The following CEP97 variants were observed in gnomAD, a reference collection of about 807,000 sequenced individuals.
The protein encoded by CEP97 is centrosomal protein of 97 kDa.
Under a neutral mutation model 73.1 loss-of-function variants are expected in CEP97, and 43 were observed. The observed-to-expected ratio is 0.59, with a 90% CI of 0.46 to 0.76. CEP97 has a LOEUF of 0.76. Ranked by LOEUF, CEP97 falls within the 30% of genes least tolerant of loss-of-function variation. CEP97 has a pLI of 0.00. For synonymous variants in CEP97, 337 were observed against 370.0 expected, an observed-to-expected ratio of 0.91 and a Z score of 1.02; for missense variants, 939 against 1,014.0, an observed-to-expected ratio of 0.93 and a Z score of 1.00.
intron 6 of CEP97, among the ~76,000 whole-genome samples, chr3:101,742,640 C>A (rs188136512): frequency 2.0e-5 from 3 of 151,250 alleles, no homozygotes; most frequent in Non-Finnish European, 4.4e-5. Context: ...ATGTAGGTGA[C>A]GAGTTGCTGG....
chr3:101,743,824 G>A (rs1938529983), intron 6 of CEP97, among the ~76,000 whole-genome samples: 9 of 152,068 alleles, frequency 5.9e-5, no homozygotes, highest in Admixed American at 5.9e-4. Flanking sequence ...CCAATACAGA[G>A]AAACCCCGCT....
At chr3:101,738,463 A>G (rs1485626642) in intron 6 of CEP97, among the ~76,000 whole-genome samples, 2 of 152,204 alleles carry the variant, frequency 1.3e-5, no homozygotes, top group Non-Finnish European at 2.9e-5. Context: ...CTCCTGAGCA[A>G]ATGTAAAAGA....
rs1939078508 is a variant in CEP97, at chr3:101,758,357, T to G, written c.1751T>G (p.Val584Gly). Reference protein sequence around the residue: ...ARNYNPQAKDVRYEIRLRRMQ... With the variant: ...ARNYNPQAKDGRYEIRLRRMQ... ...AACTACAACCCTCAAGCCAAAGATG[T>G]GCGTTACGAAATCCGGCTACGCAGA... is the stretch of plus-strand genomic sequence containing the variant. Residue 584 changes from valine to glycine, a missense_variant, in exon 9 of 11, where the codon GTG becomes GGG. Physicochemically the swap from Val to Gly is moderately radical, Grantham distance 109 (BLOSUM62 -3). Transcript: ENST00000341893. 1.9e-6 allele frequency: 3 copies of G among 1,614,190 alleles called. No individual in the cohort carries two copies.
At chr3:101,735,857 C>T (rs918033443) in intron 6 of CEP97, among the ~76,000 whole-genome samples, 5 of 152,154 alleles carry the variant, frequency 3.3e-5, no homozygotes, top group South Asian at 4.1e-4. Context: ...ACCGTTCACT[C>T]CTCTGGAAAG....
At chr3:101,741,048 A>G (rs1251754477) in intron 6 of CEP97, among the ~76,000 whole-genome samples, 2 of 150,606 alleles carry the variant, frequency 1.3e-5, no homozygotes, top group African/African-American at 5.0e-5. Context: ...AGTAACCAAA[A>G]CAGTGTAGTA....
rs759567103 is a variant in CEP97, at chr3:101,758,291, C to G, written c.1685C>G (p.Ala562Gly). The G allele has an allele frequency of 3.7e-6, 6 of 1,614,216 alleles. No homozygotes were observed. The Middle Eastern group carries it at 9.9e-4, about 266-fold the overall frequency. Residue 562 changes from alanine (A) to glycine (G), a missense_variant, in exon 9 of 11, where the codon GCC becomes GGC. By Grantham distance (60) the Ala-to-Gly change is moderately conservative (BLOSUM62 0). Coordinates refer to ENST00000341893, the MANE Select transcript of CEP97 (RefSeq NM_024548.4). The stretch of plus-strand genomic sequence containing the variant: ...GCCCTTCAGAAATTAAATGATGCAG[C>G]CACCAAGCTTCAGGCCTGTTGGCGG... ...KVALQKLNDAATKLQACWRGF... is the reference protein window; with the variant it reads ...KVALQKLNDAGTKLQACWRGF...
At chr3:101,746,370 G>A (rs1271188717) in intron 6 of CEP97, among the ~76,000 whole-genome samples, 2 of 151,324 alleles carry the variant, frequency 1.3e-5, no homozygotes, top group African/African-American at 4.9e-5. Flanking sequence ...CAGAAATAAC[G>A]CCGCATATCT....
At position 101,765,713 on chromosome 3, in the gene CEP97, T is replaced by C. The variant is rs1015672776; in HGVS notation, c.*162T>C. On this transcript the variant is annotated 3_prime_UTR_variant, in exon 11 of 11. Transcript: ENST00000341893. ...ATTTTTCAGATTCTAGATATTGAGC[T>C]GAGTTTTCATTTTGATTTTGTTAGC... The C allele has an allele frequency of 3.3e-6, 2 of 602,884 alleles. No individual in the cohort carries two copies. The highest frequency in any genetic ancestry group is 5.7e-6 in the Non-Finnish European group (2 of 352,682). The allele number at this position is 602,884 out of a possible 1,614,324, so 37.3% of individuals were successfully genotyped here.
intron 9 of CEP97, among the ~76,000 whole-genome samples, chr3:101,759,685 T>C (rs1939116660): frequency 6.6e-6 from 1 of 152,190 alleles, no homozygotes; most frequent in African/African-American, 2.4e-5. Flanking sequence ...CAAGGGCCAG[T>C]CTTATCTTTG....
rs557197851 is a variant in CEP97, at chr3:101,738,557, G to A, written c.728+5903G>A. 3.0e-4 allele frequency among the ~76,000 whole-genome samples: 45 copies of A among 152,238 alleles called. 1 individual carries two copies. Among genetic ancestry groups the A allele is most frequent in the African/African-American group, 9.9e-4 (41 of 41,546 alleles). Reference sequence around the variant, plus strand: ...GAAACTTAAAACCGCCCAACTACACGGAAACTGAACAACCTCCTCCTGAAT... The same window carrying A: ...GAAACTTAAAACCGCCCAACTACACAGAAACTGAACAACCTCCTCCTGAAT... On this transcript the variant is annotated intron_variant, in intron 6 of 10. Coordinates refer to ENST00000341893, the MANE Select transcript of CEP97 (RefSeq NM_024548.4).
chr3:101,760,397 A>G (rs1364765995), intron 9 of CEP97, among the ~76,000 whole-genome samples: 3 of 152,190 alleles, frequency 2.0e-5, no homozygotes, highest in South Asian at 2.1e-4. Context: ...TTCATCAGCA[A>G]TTCTTAGCTG....
intron 6 of CEP97, among the ~76,000 whole-genome samples, chr3:101,745,122 T>G (rs1393746095): frequency 6.6e-6 from 1 of 152,220 alleles, no homozygotes; most frequent in Non-Finnish European, 1.5e-5. Flanking sequence ...TGTGTTTAGA[T>G]CTCTGTTTTG....
chr3:101,744,487 G>T (rs1248898339), intron 6 of CEP97, among the ~76,000 whole-genome samples: 2 of 151,568 alleles, frequency 1.3e-5, no homozygotes. Context: ...GGAGGCTGAG[G>T]CAGGAAAATC....
At chr3:101,732,031 CT>C in intron 5 of CEP97, 78 bp downstream of exon 5, 1 of 804,798 alleles carries the variant, frequency 1.2e-6, no homozygotes, top group Non-Finnish European at 2.1e-6. Context: ...TGTGAGCTTA[CT>C]TTTAGACTGT....
Position 101,765,662 on chromosome 3 carries a change from A to G in CEP97, c.*111A>G. On this transcript the variant is annotated 3_prime_UTR_variant, in exon 11 of 11. Transcript: ENST00000341893. Reference sequence around the variant, plus strand: ...CCTACCCCTAATTTTGTTACTACTTATATAGAATTTGTATTCATGTCTTAT... The same window carrying G: ...CCTACCCCTAATTTTGTTACTACTTGTATAGAATTTGTATTCATGTCTTAT... 1.3e-6 allele frequency: 1 copy of G among 776,074 alleles called. No individual in the cohort carries two copies. The highest frequency in any genetic ancestry group is 2.7e-5 in the East Asian group (1 of 37,428). The allele number at this position is 776,074 out of a possible 1,614,324, so 48.1% of individuals were successfully genotyped here.
intron 6 of CEP97, among the ~76,000 whole-genome samples, chr3:101,753,370 G>A (rs1368425141): frequency 6.6e-6 from 1 of 152,218 alleles, no homozygotes; most frequent in Admixed American, 6.5e-5. Context: ...CCCACTTGAG[G>A]AGGCAGTCTG....
chr3:101,739,903 T>TAA (rs71625596), intron 6 of CEP97, among the ~76,000 whole-genome samples: 41,578 of 142,138 alleles, frequency 0.29, 6,072 homozygotes, highest in Non-Finnish European at 0.31. Context: ...AGACACCATC[T>TAA]AAAAAAAAAA....
chr3:101,739,709 C>T (rs916058255), intron 6 of CEP97, among the ~76,000 whole-genome samples: 2 of 151,982 alleles, frequency 1.3e-5, no homozygotes, highest in Non-Finnish European at 2.9e-5. Flanking sequence ...CGTTAAAGAC[C>T]GGCCTGGCCA....
rs1938538419 is a variant in CEP97 at position 101,744,061 on chromosome 3, T to TA, written c.729-11366dup. On this transcript the variant is annotated intron_variant, in intron 6 of 10. Coordinates refer to ENST00000341893, the MANE Select transcript of CEP97 (RefSeq NM_024548.4). ...GGATGTGGTGCAATTGGAATGCTCA[T>TA]AAACCACTCTAGGGGACGATAAATG... is the stretch of plus-strand genomic sequence containing the variant. Among the ~76,000 whole-genome samples the TA allele has an allele frequency of 2.7e-5, 4 of 150,762 alleles. No homozygotes were observed. In the South Asian group the frequency reaches 6.3e-4, roughly 24 times the overall value.
Sources: gnomAD v4.1 joint callset for allele counts (sites outside exome capture counted in the v4.1 genomes callset) on GRCh38, gnomAD v4.1.1 for gene constraint, MANE v1.5 for transcripts, NCBI Gene and HGNC (gene_info 2026-07-23, HGNC 2026-07-21) for gene names.